C4orf50: variants seen among roughly 807,000 people sequenced by gnomAD.
The protein encoded by C4orf50 is uncharacterized protein C4orf50.
In C4orf50, 80 loss-of-function variants were observed where a neutral mutation model predicts 77.2. The ratio of observed to expected loss-of-function variants is 1.04; its 90% CI spans 0.87 to 1.25. C4orf50 has a LOEUF of 1.25. Among genes scored for constraint, C4orf50 ranks in the 50% most tolerant of loss-of-function variants. The probability of loss-of-function intolerance (pLI) is 0.00; values close to 1 mark genes in which losing one functional copy is unlikely to be tolerated. For synonymous variants in C4orf50, 532 were observed against 465.3 expected (o/e 1.14, Z -1.84); for missense variants, 1,257 against 1,152.9 (o/e 1.09, Z -1.31).
chr4:5,946,167 C>A (rs905997661), intron 7 of C4orf50, among the ~76,000 whole-genome samples: 1 of 152,208 alleles, frequency 6.6e-6, no homozygotes, highest in African/African-American at 2.4e-5. Flanking sequence ...ACCCTGTTCA[C>A]CCCTTGTCCT....
At chr4:5,926,077 G>C (rs1169247640) in intron 7 of C4orf50, among the ~76,000 whole-genome samples, 1 of 152,200 alleles carries the variant, frequency 6.6e-6, no homozygotes, top group Non-Finnish European at 1.5e-5. Context: ...GCTCCAGGGA[G>C]TTTTCCTTTC....
intron 7 of C4orf50, among the ~76,000 whole-genome samples, chr4:5,938,959 G>A (rs939375691): frequency 6.6e-6 from 1 of 151,998 alleles, no homozygotes; most frequent in Non-Finnish European, 1.5e-5. Flanking sequence ...AAAGAAATGG[G>A]GGCAGGGCTC....
intron 7 of C4orf50, among the ~76,000 whole-genome samples, chr4:5,924,559 C>T (rs374436431): frequency 2.6e-5 from 4 of 152,140 alleles, no homozygotes; most frequent in South Asian, 2.1e-4. Flanking sequence ...GAGCATGAGC[C>T]GCTGTGAACC....
chr4:5,992,989 C>A lies in C4orf50; in HGVS notation c.1094-59G>T. The A allele has an allele frequency of 2.5e-6, 1 of 398,316 alleles. No individual in the cohort carries two copies. The allele number at this position is 398,316 out of a possible 1,614,324, so 24.7% of individuals were successfully genotyped here. A position where few individuals can be genotyped will look rare whatever the true frequency, so the allele number is the denominator to read the frequency against. ...ATGCTCCCAGGGGCTCTGCCATGAT[C>A]GCCTCTAGGGACCACGTCCCCCAGG... On this transcript the variant is annotated intron_variant, in intron 26 of 33. Transcript: ENST00000531445. This position sits in a 1 kb window ranked among gnomAD's most constrained non-coding sequence, Gnocchi z 5.0.
At chr4:5,975,670 G>A (rs1022532491) in intron 30 of C4orf50, among the ~76,000 whole-genome samples, 2 of 151,978 alleles carry the variant, frequency 1.3e-5, no homozygotes, top group Admixed American at 6.6e-5. Context: ...ATGCCATCAC[G>A]CCTGTATGGG....
chr4:5,898,695 A>C (rs1483994051), intron 7 of C4orf50: 1 of 152,248 alleles, frequency 6.6e-6, no homozygotes, highest in Non-Finnish European at 1.5e-5. Context: ...CTTTAAAAAG[A>C]AAATACTGAC....
At position 5,919,808 on chromosome 4, in the gene C4orf50, C is replaced by T. The variant is rs1045871989; in HGVS notation, c.*2475-21620G>A. Among the ~76,000 whole-genome samples, 5 of 152,166 alleles carry T rather than the reference C, an allele frequency of 3.3e-5. No individual in the cohort carries two copies. Among genetic ancestry groups the T allele is most frequent in the Middle Eastern group, 3.2e-3 (1 of 316 alleles). ...CTCCCACAAAGCCCATGGGAGAAGA[C>T]GCTTCACCAGAATCAACTCTGAAAT... On this transcript the variant is annotated intron_variant, in intron 7 of 7. Coordinates refer to the C4orf50 transcript ENST00000324058. The surrounding 1 kb of genome is among the most constrained non-coding windows in gnomAD (Gnocchi z 6.5).
chr4:5,961,935 G>A (rs1431527777), intron 33 of C4orf50, among the ~76,000 whole-genome samples: 1 of 152,038 alleles, frequency 6.6e-6, no homozygotes. Flanking sequence ...TAATCCCCTG[G>A]TGTCATTATT....
rs138450804 is a variant in C4orf50, at chr4:5,976,457, GAAA to G, written c.3865-505_3865-503del. Among the ~76,000 whole-genome samples, 712 of 93,092 alleles carry G rather than the reference GAAA, an allele frequency of 7.6e-3. 3 individuals are homozygous for G. Among genetic ancestry groups the G allele is most frequent in the Middle Eastern group, 0.027 (4 of 150 alleles). 61.1% of individuals were successfully genotyped at this position (93,092 alleles called of 152,430 possible). ...GGCGAGAGAGCGAGGCTCTGTCTCG[GAAA>G]AAAAAAAAAAAAAAAAAAAAAAGAA... On this transcript the variant is annotated intron_variant, in intron 29 of 33. Transcript: ENST00000531445.
chr4:6,013,193 A>G (rs1449465292), intron 23 of C4orf50, among the ~76,000 whole-genome samples: 2 of 152,164 alleles, frequency 1.3e-5, no homozygotes, highest in East Asian at 3.9e-4. Context: ...CTCCTATTCC[A>G]GTTATCATGC....
At chr4:5,903,375 C>G (rs770162950) in intron 7 of C4orf50, 40 of 152,044 alleles carry the variant, frequency 2.6e-4, no homozygotes, top group Admixed American at 2.4e-3. Context: ...CTCACAGTAG[C>G]CAAAAAGGTG....
chr4:5,948,365 A>G (rs1718570953), intron 7 of C4orf50, among the ~76,000 whole-genome samples: 1 of 152,244 alleles, frequency 6.6e-6, no homozygotes, highest in Non-Finnish European at 1.5e-5. Context: ...CTAACATCAC[A>G]GAAAGAGAGA....
Position 6,009,964 on chromosome 4 carries a change from G to A in C4orf50, c.427-1432C>T, listed in dbSNP as rs767003284. Among the ~76,000 whole-genome samples the A allele has an allele frequency of 1.1e-4, 16 of 152,060 alleles. No homozygotes were observed. The highest frequency in any genetic ancestry group is 3.4e-4 in the African/African-American group (14 of 41,382). ...GCACATGAGACAGATTTAATAAGAC[G>A]ACGCGTGTAGAAAAGGGCTTAGTGT... is the stretch of plus-strand genomic sequence containing the variant. On this transcript the variant is annotated intron_variant, in intron 24 of 33. Transcript: ENST00000531445. This position sits in a 1 kb window ranked among gnomAD's most constrained non-coding sequence, Gnocchi z 5.6.
At chr4:5,966,893 C>T (rs1021087464) in intron 32 of C4orf50, among the ~76,000 whole-genome samples, 3 of 152,182 alleles carry the variant, frequency 2.0e-5, no homozygotes, top group African/African-American at 7.2e-5. Context: ...CGTGATCCGC[C>T]TGCCTCGGCC....
intron 28 of C4orf50, 94 bp downstream of exon 6, chr4:5,988,253 C>T: frequency 2.7e-6 from 4 of 1,494,454 alleles, no homozygotes; most frequent in Non-Finnish European, 3.6e-6. Flanking sequence ...TTGTACCTCC[C>T]TCACAGGACT....
chr4:6,007,363 T>C lies in C4orf50; in HGVS notation c.963+633A>G, dbSNP rs1226546863. ...GAGGGTGGAGGCTTCATGAATGGTATTAGTACCCTTACTAATTAGTACCCC... is the reference window on the plus strand; with the variant it reads ...GAGGGTGGAGGCTTCATGAATGGTACTAGTACCCTTACTAATTAGTACCCC... On this transcript the variant is annotated intron_variant, in intron 25 of 33. Transcript: ENST00000531445. The surrounding 1 kb of genome is among the most constrained non-coding windows in gnomAD (Gnocchi z 4.1). Among the ~76,000 whole-genome samples the C allele has an allele frequency of 6.6e-6, 1 of 151,974 alleles. No individual in the cohort carries two copies. Among genetic ancestry groups the C allele is most frequent in the East Asian group, 1.9e-4 (1 of 5,168 alleles).
exon 28 of C4orf50, chr4:5,990,175 A>C (rs1390722149): frequency 3.2e-6 from 4 of 1,249,282 alleles, no homozygotes; most frequent in Non-Finnish European, 4.0e-6. Flanking sequence ...AAGAGGCATC[A>C]AAAACTCCTG....
chr4:5,922,155 C>T (rs979548925), intron 7 of C4orf50, among the ~76,000 whole-genome samples: 2 of 152,162 alleles, frequency 1.3e-5, no homozygotes, highest in African/African-American at 4.8e-5. Flanking sequence ...TGGAGGCTGT[C>T]AGAGCCCAGA....
At chr4:5,942,194 AC>A (rs1718296576) in intron 7 of C4orf50, among the ~76,000 whole-genome samples, 1 of 152,110 alleles carries the variant, frequency 6.6e-6, no homozygotes, top group South Asian at 2.1e-4. Flanking sequence ...TACATACACA[AC>A]CCCAGGTAGC....
Sources: allele counts gnomAD v4.1 joint callset (sites outside exome capture counted in the v4.1 genomes callset), GRCh38; gene constraint gnomAD v4.1.1; non-coding constraint Gnocchi (gnomAD v3.1); transcripts MANE v1.5; gene names NCBI Gene and HGNC (gene_info 2026-07-23, HGNC 2026-07-21).